MFSD2B: variants seen among roughly 807,000 people sequenced by gnomAD.
MFSD2B encodes the protein sphingosine-1-phosphate transporter MFSD2B.
MFSD2B carries 56 observed loss-of-function variants against 58.4 expected under a neutral mutation model. That is an observed-to-expected ratio of 0.96 (90% CI 0.77 to 1.20). MFSD2B has a LOEUF of 1.20. Among genes scored for constraint, MFSD2B ranks in the 50% most tolerant of loss-of-function variants. MFSD2B has a pLI of 0.00. For synonymous variants in MFSD2B, 287 were observed against 294.4 expected (o/e 0.97, Z 0.26); for missense variants, 645 against 667.6 (o/e 0.97, Z 0.37).
chr2:24,022,417 C>A lies in MFSD2B; in HGVS notation c.895-16C>A, dbSNP rs1662824468. ...GCCATGCCCTGCACATACCCACTTC[C>A]TGTCCATCTCCTCAGGTGGAGCAGA... On this transcript the variant is annotated splice_polypyrimidine_tract_variant and intron_variant, in intron 8 of 13. Transcript: ENST00000338315. This position sits in a 1 kb window ranked among gnomAD's most constrained non-coding sequence, Gnocchi z 4.5. The A allele has an allele frequency of 6.2e-7, 1 of 1,608,190 alleles. No homozygotes were observed. The highest frequency in any genetic ancestry group is 1.3e-5 in the African/African-American group (1 of 74,824).
rs6545222 is a variant in MFSD2B at position 24,012,834 on chromosome 2, G to A, written c.97-451G>A. On this transcript the variant is annotated intron_variant, in intron 1 of 13. Transcript: ENST00000338315. This position sits in a 1 kb window ranked among gnomAD's most constrained non-coding sequence, Gnocchi z 4.5. ...GCAGGCTATGGGTAAATGAGCTATC[G>A]CCTCATTTACTCATCGAAGAAACAA... The A allele has an allele frequency of 0.73, 111,113 of 153,246 alleles. 40,921 individuals are homozygous for A. The highest frequency in any genetic ancestry group is 0.84 in the Admixed American group (13,009 of 15,474). 9.5% of individuals were successfully genotyped at this position (153,246 alleles called of 1,614,324 possible).
chr2:24,023,686 T>C lies in MFSD2B; in HGVS notation c.1273T>C (p.Ser425Pro). Residue 425 changes from serine (S) to proline (P), a missense_variant, in exon 12 of 14, where the codon TCT becomes CCT. By Grantham distance (74) the Ser-to-Pro change is moderately conservative. Coordinates refer to ENST00000338315, the MANE Select transcript of MFSD2B (RefSeq NM_001346880.2). The surrounding 1 kb of genome is among the most constrained non-coding windows in gnomAD (Gnocchi z 5.0). ...CTCCTACGTCTTCTTCACCAAGCTG[T>C]CTGGCGCATGTGCCCTGGGCATCTC... ...YSSYVFFTKL[S>P]GACALGISTL... is the part of the protein sequence containing the mutation. The C allele has an allele frequency of 1.2e-6, 2 of 1,613,944 alleles. No homozygotes were observed. The highest frequency in any genetic ancestry group is 1.7e-6 in the Non-Finnish European group (2 of 1,179,848).
chr2:24,011,314 C>A (rs1317265451), intron 1 of MFSD2B, among the ~76,000 whole-genome samples: 1 of 152,194 alleles, frequency 6.6e-6, no homozygotes, highest in Admixed American at 6.5e-5. Flanking sequence ...ACTTGCTAGG[C>A]CTGTTTTGGG....
Position 24,014,558 on chromosome 2 carries a change from C to T in MFSD2B, c.222+1148C>T, listed in dbSNP as rs556305427. Among the ~76,000 whole-genome samples, 12 of 152,246 alleles carry T rather than the reference C, an allele frequency of 7.9e-5. No individual in the cohort carries two copies. The South Asian group carries it at 2.5e-3, about 32-fold the overall frequency. Reference sequence around the variant, plus strand: ...CAGCCATTCAAAATAATGATCTATACCAGTTGACTTAGAGTGATTTCCATG... The same window carrying T: ...CAGCCATTCAAAATAATGATCTATATCAGTTGACTTAGAGTGATTTCCATG... On this transcript the variant is annotated intron_variant, in intron 2 of 13. Coordinates refer to ENST00000338315, the MANE Select transcript of MFSD2B (RefSeq NM_001346880.2).
At chr2:24,025,123 C>T (rs981613672) in intron 13 of MFSD2B, among the ~76,000 whole-genome samples, 6 of 152,196 alleles carry the variant, frequency 3.9e-5, no homozygotes, top group South Asian at 2.1e-4. Flanking sequence ...TGCAGGCCCA[C>T]GCGGGACAGG....
chr2:24,022,753 A>G lies in MFSD2B; in HGVS notation c.979-69A>G. 1 of 1,230,874 alleles carries G rather than the reference A, an allele frequency of 8.1e-7. No individual in the cohort carries two copies. Among genetic ancestry groups the G allele is most frequent in the Non-Finnish European group, 1.1e-6 (1 of 896,264 alleles). The allele number at this position is 1,230,874 out of a possible 1,614,324, so 76.2% of individuals were successfully genotyped here. The stretch of plus-strand genomic sequence containing the variant: ...AGGTCAGGCATCCAATCTAAAAGCC[A>G]AGGCCTTGGGGTCCCAGGCAAAGGC... On this transcript the variant is annotated intron_variant, in intron 9 of 13. Coordinates refer to ENST00000338315, the MANE Select transcript of MFSD2B (RefSeq NM_001346880.2). This position sits in a 1 kb window ranked among gnomAD's most constrained non-coding sequence, Gnocchi z 4.5.
At chr2:24,018,007 G>A (rs563529448) in intron 6 of MFSD2B, among the ~76,000 whole-genome samples, 2 of 152,300 alleles carry the variant, frequency 1.3e-5, no homozygotes, top group East Asian at 3.9e-4. Flanking sequence ...CCAACCCGCA[G>A]CATGAAATGG....
chr2:24,018,044 CT>C (rs1198345821), intron 6 of MFSD2B, among the ~76,000 whole-genome samples: 1 of 152,196 alleles, frequency 6.6e-6, no homozygotes, highest in Non-Finnish European at 1.5e-5. Flanking sequence ...AGCCCCCTTC[CT>C]TCCCTTTCAC....
At position 24,017,508 on chromosome 2, in the gene MFSD2B, C is replaced by T. The variant is rs764140853; in HGVS notation, c.601C>T (p.Leu201Phe). Residue 201 changes from leucine to phenylalanine, a missense_variant, in exon 6 of 14, where the codon CTC becomes TTC. Transcript: ENST00000338315. The surrounding 1 kb of genome is among the most constrained non-coding windows in gnomAD (Gnocchi z 4.8). ...GTLMGATVHG[L>F]IVSGAHRPHR... ...ACTGATGGGGGCCACTGTCCACGGGCTCATCGTGTCCGGCGCCCACAGACC... is the reference window on the plus strand; with the variant it reads ...ACTGATGGGGGCCACTGTCCACGGGTTCATCGTGTCCGGCGCCCACAGACC... The T allele has an allele frequency of 1.1e-5, 18 of 1,592,404 alleles. No homozygotes were observed. In the Admixed American group the frequency reaches 3.0e-4, roughly 26 times the overall value.
Position 24,020,989 on chromosome 2 carries a change from C to T in MFSD2B, c.682-659C>T, listed in dbSNP as rs1662762658. Among the ~76,000 whole-genome samples, 2 of 151,996 alleles carry T rather than the reference C, an allele frequency of 1.3e-5. No individual in the cohort carries two copies. The highest frequency in any genetic ancestry group is 4.8e-5 in the African/African-American group (2 of 41,360). On this transcript the variant is annotated intron_variant, in intron 6 of 13. Coordinates refer to ENST00000338315, the MANE Select transcript of MFSD2B (RefSeq NM_001346880.2). The surrounding 1 kb of genome is among the most constrained non-coding windows in gnomAD (Gnocchi z 4.1). ...TCGGCTCACTGCAACCTCCATCTCC[C>T]CAGTTCAAGTGATTCTCCTGCCTCA... is the stretch of plus-strand genomic sequence containing the variant.
rs1187620225 is a variant in MFSD2B at position 24,017,012 on chromosome 2, T to C, written c.471+44T>C. The C allele has an allele frequency of 6.2e-7, 1 of 1,609,578 alleles. No homozygotes were observed. Among genetic ancestry groups the C allele is most frequent in the African/African-American group, 1.3e-5 (1 of 74,944 alleles). Reference sequence around the variant, plus strand: ...TGGGCCTGTGCTCTGGCGAAGCCCATTGCTGGCCATGGCCACTCTGAAGTG... The same window carrying C: ...TGGGCCTGTGCTCTGGCGAAGCCCACTGCTGGCCATGGCCACTCTGAAGTG... On this transcript the variant is annotated intron_variant, in intron 4 of 13. Coordinates refer to ENST00000338315, the MANE Select transcript of MFSD2B (RefSeq NM_001346880.2). This position sits in a 1 kb window ranked among gnomAD's most constrained non-coding sequence, Gnocchi z 4.8.
rs1558318756 is a variant in MFSD2B, at chr2:24,012,168, ACACACACACAC to A, written c.97-1116_97-1106del. Among the ~76,000 whole-genome samples, 2 of 71,302 alleles carry A rather than the reference ACACACACACAC, an allele frequency of 2.8e-5. No homozygotes were observed. Among genetic ancestry groups the A allele is most frequent in the African/African-American group, 4.1e-5 (1 of 24,106 alleles). 46.8% of individuals were successfully genotyped at this position (71,302 alleles called of 152,430 possible). A position where few individuals can be genotyped will look rare whatever the true frequency, so the allele number is the denominator to read the frequency against. Reference sequence around the variant, plus strand: ...ACAAACAAAACACACACACACACACACACACACACACAAAAACAGACAAAAAAACCCTGCAA... The same window carrying A: ...ACAAACAAAACACACACACACACACAAAAAACAGACAAAAAAACCCTGCAA... On this transcript the variant is annotated intron_variant, in intron 1 of 13. Coordinates refer to ENST00000338315, the MANE Select transcript of MFSD2B (RefSeq NM_001346880.2). This position sits in a 1 kb window ranked among gnomAD's most constrained non-coding sequence, Gnocchi z 4.5.
In MFSD2B at chr2:24,017,866, G is replaced by A. The variant is rs1441471063; in HGVS notation, c.681+278G>A. Among the ~76,000 whole-genome samples the A allele has an allele frequency of 1.3e-5, 2 of 152,210 alleles. No homozygotes were observed. The highest frequency in any genetic ancestry group is 6.5e-5 in the Admixed American group (1 of 15,290). The stretch of plus-strand genomic sequence containing the variant: ...AGAGGAGGCCAGCCCCAGAGGAGGG[G>A]CGAGGGTGGGGAAAGCCGCAGGACA... On this transcript the variant is annotated intron_variant, in intron 6 of 13. Coordinates refer to ENST00000338315, the MANE Select transcript of MFSD2B (RefSeq NM_001346880.2). This position sits in a 1 kb window ranked among gnomAD's most constrained non-coding sequence, Gnocchi z 4.8.
rs552376005 is a variant in MFSD2B, at chr2:24,023,101, C to T, written c.1060-29C>T. On this transcript the variant is annotated intron_variant, in intron 10 of 13. Transcript: ENST00000338315. The surrounding 1 kb of genome is among the most constrained non-coding windows in gnomAD (Gnocchi z 5.0). The stretch of plus-strand genomic sequence containing the variant: ...GCAGGCCCCACGAAGAAGCAGGTGG[C>T]GGGACAGCTGGTGTGTGTGTCTCCC... 5.7e-6 allele frequency: 9 copies of T among 1,575,938 alleles called. No homozygotes were observed. The highest frequency in any genetic ancestry group is 4.5e-5 in the East Asian group (2 of 44,732).
rs1319267971 is a variant in MFSD2B at position 24,023,425 on chromosome 2, G to T, written c.1170-158G>T. 8.3e-6 allele frequency: 8 copies of T among 959,994 alleles called. No individual in the cohort carries two copies. Among genetic ancestry groups the T allele is most frequent in the Non-Finnish European group, 1.2e-5 (8 of 646,752 alleles). The allele number at this position is 959,994 out of a possible 1,614,324, so 59.5% of individuals were successfully genotyped here. A position where few individuals can be genotyped will look rare whatever the true frequency, so the allele number is the denominator to read the frequency against. On this transcript the variant is annotated intron_variant, in intron 11 of 13. Transcript: ENST00000338315. This position sits in a 1 kb window ranked among gnomAD's most constrained non-coding sequence, Gnocchi z 5.0. ...GCGGGGGGCCGGCAGGGGGCTGGCG[G>T]GGGGTACGAGCACACAGGCCATCTG...
At chr2:24,014,879 C>T (rs1457693963) in intron 2 of MFSD2B, among the ~76,000 whole-genome samples, 3 of 151,846 alleles carry the variant, frequency 2.0e-5, no homozygotes, top group Admixed American at 6.6e-5. Context: ...CAGCACTTTG[C>T]GAGGCCGAGG....
chr2:24,018,133 T>C, intron 6 of MFSD2B: 1 of 155,816 alleles, frequency 6.4e-6, no homozygotes, highest in African/African-American at 2.4e-5. Flanking sequence ...CATGTCCCCC[T>C]TTCCTTAAGT....
chr2:24,011,464 G>A (rs1461735950), intron 1 of MFSD2B, among the ~76,000 whole-genome samples: 1 of 152,190 alleles, frequency 6.6e-6, no homozygotes, highest in Non-Finnish European at 1.5e-5. Flanking sequence ...GTTTTCCCCT[G>A]TGGGTAGGAA....
At position 24,024,111 on chromosome 2, in the gene MFSD2B, G is replaced by A; in HGVS notation, c.1330G>A (p.Ala444Thr). The A allele has an allele frequency of 6.2e-7, 1 of 1,613,830 alleles. No homozygotes were observed. Among genetic ancestry groups the A allele is most frequent in the Non-Finnish European group, 8.5e-7 (1 of 1,179,824 alleles). ...TTTCTCCAGGTTCTCGGGGTATAAGGCAGGGGTCTGCAAGCAAGCAGAGGA... is the reference window on the plus strand; with the variant it reads ...TTTCTCCAGGTTCTCGGGGTATAAGACAGGGGTCTGCAAGCAAGCAGAGGA... ...TLSLEFSGYK[A>T]GVCKQAEEVV... The change falls in exon 13 of 14, where the codon GCA (alanine) becomes ACA (threonine). Residue 444 changes from alanine (A) to threonine (T), a missense_variant. Ala to Thr is a moderately conservative substitution (Grantham distance 58, BLOSUM62 0). Transcript: ENST00000338315. The surrounding 1 kb of genome is among the most constrained non-coding windows in gnomAD (Gnocchi z 4.3).
Sources: gnomAD v4.1 joint callset for allele counts (sites outside exome capture counted in the v4.1 genomes callset) on GRCh38, gnomAD v4.1.1 for gene constraint, Gnocchi (gnomAD v3.1) non-coding constraint, MANE v1.5 for transcripts, NCBI Gene and HGNC (gene_info 2026-07-23, HGNC 2026-07-21) for gene names.